CDK14: variants seen among roughly 807,000 people sequenced by gnomAD.
The protein encoded by CDK14 is cyclin dependent kinase 14.
Under a neutral mutation model 60.7 loss-of-function variants are expected in CDK14, and 34 were observed. The ratio of observed to expected loss-of-function variants is 0.56; its 90% CI spans 0.43 to 0.75. The LOEUF (loss-of-function observed/expected upper bound fraction) is 0.75, where lower values mean the gene tolerates loss of function less well. CDK14 is among the 30% of genes least tolerant of loss of function. The pLI is 0.00. For synonymous variants in CDK14, 197 were observed against 203.7 expected (o/e 0.97, Z 0.28); for missense variants, 482 against 564.1 (o/e 0.85, Z 1.47).
At chr7:90,832,410 G>C (rs1247292520) in intron 5 of CDK14, among the ~76,000 whole-genome samples, 4 of 152,094 alleles carry the variant, frequency 2.6e-5, no homozygotes, top group Non-Finnish European at 5.9e-5. Flanking sequence ...TGAGAACACT[G>C]TTATTGGACC....
At chr7:90,651,965 T>C (rs1281467503) in intron 2 of CDK14, among the ~76,000 whole-genome samples, 1 of 152,158 alleles carries the variant, frequency 6.6e-6, no homozygotes, top group African/African-American at 2.4e-5. Flanking sequence ...GCTTTACCAG[T>C]TCCTGCTTGC....
intron 14 of CDK14, among the ~76,000 whole-genome samples, chr7:91,184,204 TAA>T (rs59565390): frequency 6.0e-4 from 22 of 36,662 alleles, no homozygotes; most frequent in African/African-American, 2.0e-3. Context: ...GGCTCCGTCT[TAA>T]AAAAAAAAAA....
intron 2 of CDK14, among the ~76,000 whole-genome samples, chr7:90,652,197 C>T (rs551023085): frequency 6.6e-6 from 1 of 152,216 alleles, no homozygotes; most frequent in African/African-American, 2.4e-5. Flanking sequence ...ATTGGAGTGA[C>T]TGATAGTTTG....
intron 2 of CDK14, among the ~76,000 whole-genome samples, chr7:90,628,395 T>C (rs1799921593): frequency 6.6e-6 from 1 of 152,204 alleles, no homozygotes; most frequent in African/African-American, 2.4e-5. Flanking sequence ...TTCCAAGTGT[T>C]AAAGGCCATT....
chr7:91,023,015 T>TATA (rs11432047), intron 10 of CDK14, among the ~76,000 whole-genome samples: 3 of 126,842 alleles, frequency 2.4e-5, no homozygotes, highest in Non-Finnish European at 3.5e-5. Flanking sequence ...GAAGTATATA[T>TATA]TTTTTTTTTT....
intron 10 of CDK14, among the ~76,000 whole-genome samples, chr7:91,031,143 A>G (rs1584248579): frequency 6.6e-6 from 1 of 152,204 alleles, no homozygotes; most frequent in African/African-American, 2.4e-5. Context: ...TGAGTCTCAA[A>G]CAGCTCTGAA....
intron 2 of CDK14, among the ~76,000 whole-genome samples, chr7:90,618,316 A>T (rs13236114): frequency 0.077 from 11,707 of 152,044 alleles, 623 homozygotes; most frequent in Middle Eastern, 0.14. Flanking sequence ...GGATAGACCA[A>T]TTTTTTTTCT....
At chr7:90,862,090 G>A (rs569527422) in intron 5 of CDK14, among the ~76,000 whole-genome samples, 2 of 152,204 alleles carry the variant, frequency 1.3e-5, no homozygotes, top group South Asian at 4.2e-4. Context: ...TGAACTTCTG[G>A]CAAGAATAGA....
chr7:90,744,192 AT>A (rs1803474594), intron 3 of CDK14, among the ~76,000 whole-genome samples: 1 of 152,098 alleles, frequency 6.6e-6, no homozygotes, highest in African/African-American at 2.4e-5. Context: ...GGTACTTAAG[AT>A]TAGGGAGTGG....
At chr7:90,928,456 C>T (rs1793491090) in intron 8 of CDK14, among the ~76,000 whole-genome samples, 1 of 152,196 alleles carries the variant, frequency 6.6e-6, no homozygotes, top group Non-Finnish European at 1.5e-5. Flanking sequence ...GGACCCTCAG[C>T]TGCAGGTCTG....
intron 3 of CDK14, among the ~76,000 whole-genome samples, chr7:90,727,757 C>T (rs1461920457): frequency 2.6e-5 from 4 of 152,078 alleles, no homozygotes; most frequent in Non-Finnish European, 4.4e-5. Flanking sequence ...CAGTTTTTCT[C>T]CCCCACTGAG....
intron 5 of CDK14, among the ~76,000 whole-genome samples, chr7:90,833,899 C>G (rs1790003748): frequency 6.6e-6 from 1 of 152,126 alleles, no homozygotes; most frequent in South Asian, 2.1e-4. Flanking sequence ...GCTTGCATTT[C>G]CTTTCAAATT....
chr7:90,800,169 A>AT (rs1788585162), intron 5 of CDK14, among the ~76,000 whole-genome samples: 1 of 151,650 alleles, frequency 6.6e-6, no homozygotes, highest in Non-Finnish European at 1.5e-5. Flanking sequence ...TTCTTTATGT[A>AT]TTTTTTTCAT....
At chr7:90,973,382 C>G (rs1231509643) in intron 9 of CDK14, among the ~76,000 whole-genome samples, 1 of 152,126 alleles carries the variant, frequency 6.6e-6, no homozygotes, top group African/African-American at 2.4e-5. Context: ...TTGAAACTGT[C>G]ACTCTGCTTA....
chr7:90,692,581 A>G (rs1229798446), intron 2 of CDK14: 7 of 480,322 alleles, frequency 1.5e-5, no homozygotes, highest in African/African-American at 2.1e-5. Flanking sequence ...AGCTGTCAGC[A>G]GACTAATGAT....
intron 10 of CDK14, among the ~76,000 whole-genome samples, chr7:91,029,393 A>G (rs774029197): frequency 2.6e-5 from 4 of 151,886 alleles, no homozygotes; most frequent in Non-Finnish European, 5.9e-5. Flanking sequence ...CATTGACTCT[A>G]TGGATTGCTT....
intron 8 of CDK14, among the ~76,000 whole-genome samples, chr7:90,934,823 T>C (rs924898985): frequency 6.6e-6 from 1 of 152,240 alleles, no homozygotes; most frequent in Non-Finnish European, 1.5e-5. Flanking sequence ...AAAATACTTT[T>C]GCTAACTTCA....
At position 90,726,733 on chromosome 7, in the gene CDK14, A is replaced by G. The variant is rs749730201; in HGVS notation, c.290A>G (p.Asn97Ser). 1.2e-6 allele frequency: 2 copies of G among 1,613,874 alleles called. No homozygotes were observed. The highest frequency in any genetic ancestry group is 3.3e-5 in the Admixed American group (2 of 59,958). Residue 97 changes from asparagine (N) to serine (S), a missense_variant, in exon 3 of 15, where the codon AAC becomes AGC. By Grantham distance (46) the Asn-to-Ser change is conservative (BLOSUM62 1). Coordinates refer to ENST00000380050, the MANE Select transcript of CDK14 (RefSeq NM_001287135.2). ...CAAGTAAAGAGGGTGCATTCTGAGA[A>G]CAATGCTTGCATTAACTTTAAGACC... Reference protein sequence around the residue: ...ANQVKRVHSENNACINFKTSS... With the variant: ...ANQVKRVHSESNACINFKTSS...
At chr7:90,820,748 G>A (rs1228425816) in intron 5 of CDK14, among the ~76,000 whole-genome samples, 2 of 152,128 alleles carry the variant, frequency 1.3e-5, no homozygotes, top group East Asian at 3.9e-4. Flanking sequence ...CTCTAACCTT[G>A]CCTGATTTAG....
Sources: allele counts gnomAD v4.1 joint callset (sites outside exome capture counted in the v4.1 genomes callset), GRCh38; gene constraint gnomAD v4.1.1; transcripts MANE v1.5; gene names NCBI Gene and HGNC (gene_info 2026-07-23, HGNC 2026-07-21).